Variants in EFNA5 observed in about 807,000 individuals in gnomAD.
EFNA5 encodes the protein ephrin-A5.
Under a neutral mutation model 22.9 loss-of-function variants are expected in EFNA5, and 5 were observed. The observed-to-expected ratio is 0.22, with a 90% CI of 0.11 to 0.46. The LOEUF (loss-of-function observed/expected upper bound fraction) is 0.46. Among genes scored for constraint, EFNA5 ranks in the 20% least tolerant of loss-of-function variants. EFNA5 has a pLI of 0.99. For synonymous variants in EFNA5, 113 were observed against 112.2 expected (o/e 1.01, Z -0.04); for missense variants, 237 against 293.3 (o/e 0.81, Z 1.40).
intron 1 of EFNA5, among the ~76,000 whole-genome samples, chr5:107,666,733 G>A (rs1269660425): frequency 1.3e-5 from 2 of 152,050 alleles, no homozygotes; most frequent in Admixed American, 6.5e-5. Context: ...CAACCAGTAG[G>A]AGATATGTTT....
chr5:107,404,164 C>T (rs918117055), intron 2 of EFNA5, among the ~76,000 whole-genome samples: 2 of 152,146 alleles, frequency 1.3e-5, no homozygotes, highest in Non-Finnish European at 2.9e-5. Context: ...GGTTCAAGCT[C>T]GAAATGATAG....
At position 107,419,337 on chromosome 5, in the gene EFNA5, C is replaced by T. The variant is rs1338579518; in HGVS notation, c.418+7880G>A. On this transcript the variant is annotated intron_variant, in intron 2 of 4. Transcript: ENST00000333274. ...TGAAACAGACACAATTCCCTAAACTCATTCTTTAAATAAAAAGGTGCATTA... is the reference window on the plus strand; with the variant it reads ...TGAAACAGACACAATTCCCTAAACTTATTCTTTAAATAAAAAGGTGCATTA... 2.0e-5 allele frequency among the ~76,000 whole-genome samples: 3 copies of T among 152,294 alleles called. No homozygotes were observed. The South Asian group carries it at 6.2e-4, about 32-fold the overall frequency.
intron 1 of EFNA5, among the ~76,000 whole-genome samples, chr5:107,622,715 G>A (rs1283575960): frequency 6.6e-6 from 1 of 151,886 alleles, no homozygotes; most frequent in African/African-American, 2.4e-5. Flanking sequence ...AGTAATAGAC[G>A]TGGAGTCTCA....
At chr5:107,444,587 C>G (rs1749342945) in intron 1 of EFNA5, among the ~76,000 whole-genome samples, 1 of 152,194 alleles carries the variant, frequency 6.6e-6, no homozygotes, top group Non-Finnish European at 1.5e-5. Flanking sequence ...TTTAAATAGT[C>G]ATGGCTGAAC....
At chr5:107,486,860 G>C (rs960941005) in intron 1 of EFNA5, among the ~76,000 whole-genome samples, 1 of 152,174 alleles carries the variant, frequency 6.6e-6, no homozygotes, top group African/African-American at 2.4e-5. Flanking sequence ...GGAGGAGCTA[G>C]AGAAAGTTAC....
At chr5:107,421,796 C>CT (rs35309302) in intron 2 of EFNA5, among the ~76,000 whole-genome samples, 37,626 of 144,056 alleles carry the variant, frequency 0.26, 4,745 homozygotes, top group South Asian at 0.39. Context: ...TTCTTTCTTT[C>CT]TTTTTTTTTT....
rs1050529948 is a variant in EFNA5 at position 107,509,705 on chromosome 5, G to A, written c.126-82196C>T. Among the ~76,000 whole-genome samples the A allele has an allele frequency of 8.5e-5, 13 of 152,120 alleles. No homozygotes were observed. The South Asian group carries it at 1.9e-3, about 22-fold the overall frequency. ...GAATGGTTATAAATGATTTAAAAAC[G>A]TAGATGAGGAACACTGGAATACGGC... On this transcript the variant is annotated intron_variant, in intron 1 of 4. Coordinates refer to ENST00000333274, the MANE Select transcript of EFNA5 (RefSeq NM_001962.3).
intron 1 of EFNA5, among the ~76,000 whole-genome samples, chr5:107,621,549 AG>A (rs1459010201): frequency 6.6e-6 from 1 of 152,216 alleles, no homozygotes; most frequent in Non-Finnish European, 1.5e-5. Flanking sequence ...ACAAAGCTGT[AG>A]AAAACGCATT....
At chr5:107,415,849 G>C (rs573507044) in intron 2 of EFNA5, among the ~76,000 whole-genome samples, 1 of 152,314 alleles carries the variant, frequency 6.6e-6, no homozygotes, top group South Asian at 2.1e-4. Context: ...TGCAGCTGCT[G>C]TGCTGCTTAA....
chr5:107,453,879 G>C (rs562612929), intron 1 of EFNA5, among the ~76,000 whole-genome samples: 1 of 152,024 alleles, frequency 6.6e-6, no homozygotes, highest in South Asian at 2.1e-4. Flanking sequence ...TGATTGTGAC[G>C]GTTTTGATTA....
chr5:107,634,003 T>C lies in EFNA5; in HGVS notation c.125+36486A>G, dbSNP rs1315583986. On this transcript the variant is annotated intron_variant, in intron 1 of 4. Coordinates refer to ENST00000333274, the MANE Select transcript of EFNA5 (RefSeq NM_001962.3). Reference sequence around the variant, plus strand: ...CAAAAAGATTTTAAGAGAAAAGACATAGTTTCATGTAAAGTTATTCAGACT... The same window carrying C: ...CAAAAAGATTTTAAGAGAAAAGACACAGTTTCATGTAAAGTTATTCAGACT... 3.3e-5 allele frequency among the ~76,000 whole-genome samples: 5 copies of C among 152,172 alleles called. No homozygotes were observed. In the East Asian group the frequency reaches 7.7e-4, roughly 23 times the overall value.
At chr5:107,538,496 C>A (rs1043376966) in intron 1 of EFNA5, among the ~76,000 whole-genome samples, 6 of 152,096 alleles carry the variant, frequency 3.9e-5, no homozygotes, top group African/African-American at 1.4e-4. Flanking sequence ...ATGGTCTGAG[C>A]AGTAAGTACA....
intron 1 of EFNA5, among the ~76,000 whole-genome samples, chr5:107,594,173 A>T (rs906847077): frequency 6.6e-6 from 1 of 152,234 alleles, no homozygotes; most frequent in African/African-American, 2.4e-5. Flanking sequence ...TGCCACATTC[A>T]TGATAGTGTT....
chr5:107,642,955 T>A (rs1298113694), intron 1 of EFNA5, among the ~76,000 whole-genome samples: 1 of 149,752 alleles, frequency 6.7e-6, no homozygotes, highest in Non-Finnish European at 1.5e-5. Flanking sequence ...AAAAAACTAA[T>A]CTAGACGATC....
intron 4 of EFNA5, among the ~76,000 whole-genome samples, chr5:107,382,776 C>T (rs1005809114): frequency 3.3e-5 from 5 of 152,122 alleles, no homozygotes; most frequent in Non-Finnish European, 5.9e-5. Context: ...TGCAGGTGTT[C>T]AGCAGTTGCC....
intron 1 of EFNA5, among the ~76,000 whole-genome samples, chr5:107,537,338 A>G (rs997113357): frequency 6.6e-6 from 1 of 151,904 alleles, no homozygotes; most frequent in African/African-American, 2.4e-5. Flanking sequence ...TACTAAAAAT[A>G]CAAAATTAGC....
chr5:107,517,099 G>A (rs1747496451), intron 1 of EFNA5, among the ~76,000 whole-genome samples: 2 of 150,558 alleles, frequency 1.3e-5, no homozygotes, highest in South Asian at 4.2e-4. Flanking sequence ...TTCATTGATT[G>A]TACATTTACA....
chr5:107,433,427 A>G (rs1749020478), intron 1 of EFNA5, among the ~76,000 whole-genome samples: 1 of 152,326 alleles, frequency 6.6e-6, no homozygotes, highest in Admixed American at 6.5e-5. Flanking sequence ...GGCCACCTGG[A>G]GCATTGGATA....
intron 2 of EFNA5, among the ~76,000 whole-genome samples, chr5:107,425,491 G>A (rs1748787426): frequency 6.6e-6 from 1 of 152,158 alleles, no homozygotes; most frequent in Non-Finnish European, 1.5e-5. Context: ...CTCATATGCT[G>A]AATGAGATTC....
Sources: gnomAD v4.1 joint callset for allele counts (sites outside exome capture counted in the v4.1 genomes callset) on GRCh38, gnomAD v4.1.1 for gene constraint, MANE v1.5 for transcripts, NCBI Gene and HGNC (gene_info 2026-07-23, HGNC 2026-07-21) for gene names.